STRN: variants seen among roughly 807,000 people sequenced by gnomAD.
STRN encodes protein phosphatase 2 regulatory subunit B'''alpha.
In STRN, 53 loss-of-function variants were observed where a neutral mutation model predicts 96.3. The ratio of observed to expected loss-of-function variants is 0.55; its 90% CI spans 0.44 to 0.69. The LOEUF (loss-of-function observed/expected upper bound fraction) is 0.69, where lower values mean the gene tolerates loss of function less well. Among genes scored for constraint, STRN ranks in the 30% least tolerant of loss-of-function variants. The probability of loss-of-function intolerance (pLI) is 0.00; values close to 1 mark genes in which losing one functional copy is unlikely to be tolerated. For synonymous variants in STRN, 428 were observed against 355.9 expected, an observed-to-expected ratio of 1.20 and a Z score of -2.28; for missense variants, 987 against 963.9, an observed-to-expected ratio of 1.02 and a Z score of -0.32.
At chr2:36,859,920 G>C (rs867113059) in intron 13 of STRN, among the ~76,000 whole-genome samples, 1 of 152,202 alleles carries the variant, frequency 6.6e-6, no homozygotes, top group Admixed American at 6.5e-5. Flanking sequence ...AAGCCAGAAT[G>C]TAGACAGATG....
rs1353990644 is a variant in STRN, at chr2:36,849,395, G to T, written c.*61C>A. ...GAGATGATTCTTGCCCTCGTCTTCT[G>T]TATCTCTTGTGTGCAGTTGATTACT... On this transcript the variant is annotated 3_prime_UTR_variant, in exon 18 of 18. Coordinates refer to ENST00000263918, the MANE Select transcript of STRN (RefSeq NM_003162.4). 6 of 1,572,680 alleles carry T rather than the reference G, an allele frequency of 3.8e-6. No homozygotes were observed. The highest frequency in any genetic ancestry group is 1.4e-5 in the African/African-American group (1 of 73,600).
intron 3 of STRN, among the ~76,000 whole-genome samples, chr2:36,914,607 T>C (rs555251520): frequency 3.0e-4 from 46 of 152,292 alleles, no homozygotes; most frequent in Non-Finnish European, 5.1e-4. Context: ...GCTGAGGAAA[T>C]GCATTAATAC....
At chr2:36,915,531 A>G (rs2148217893) in intron 3 of STRN, among the ~76,000 whole-genome samples, 1 of 152,212 alleles carries the variant, frequency 6.6e-6, no homozygotes, top group Non-Finnish European at 1.5e-5. Flanking sequence ...GAAAAAGAAA[A>G]AGAAGAAATA....
intron 10 of STRN, 76 bp downstream of exon 10, chr2:36,877,815 G>A (rs535263727): frequency 9.7e-6 from 15 of 1,550,242 alleles, no homozygotes; most frequent in African/African-American, 6.8e-5. Flanking sequence ...GATTACAGGC[G>A]TGAGCCACCG....
At chr2:36,850,874 G>A (rs1191340362) in intron 16 of STRN, 126 bp downstream of exon 16, 1 of 601,348 alleles carries the variant, frequency 1.7e-6, no homozygotes. Context: ...TGAGACGGGA[G>A]AGTATTTGGG....
chr2:36,867,895 G>T, intron 11 of STRN, 34 bp from the exon 12 acceptor site: 2 of 1,521,854 alleles, frequency 1.3e-6, no homozygotes, highest in Non-Finnish European at 1.8e-6. Flanking sequence ...ACCATTCTAA[G>T]TGTCAGTAAA....
chr2:36,862,807 T>C (rs1012862297), intron 12 of STRN, among the ~76,000 whole-genome samples: 2 of 151,986 alleles, frequency 1.3e-5, no homozygotes, highest in South Asian at 4.2e-4. Context: ...CGATCTTGGC[T>C]CACTGCAAGC....
chr2:36,866,704 G>A (rs1371102168), intron 12 of STRN, among the ~76,000 whole-genome samples: 1 of 152,140 alleles, frequency 6.6e-6, no homozygotes. Context: ...TAATCTGGGT[G>A]CTCCTATGTT....
At chr2:36,949,780 T>C (rs112176817) in intron 1 of STRN, among the ~76,000 whole-genome samples, 6 of 152,160 alleles carry the variant, frequency 3.9e-5, no homozygotes, top group Admixed American at 1.3e-4. Context: ...TTTCAAGTTA[T>C]AGTAGGTCAT....
At chr2:36,884,187 A>G (rs1669151527) in intron 8 of STRN, 112 bp from the exon 9 acceptor site, 6 of 928,928 alleles carry the variant, frequency 6.5e-6, no homozygotes, top group Non-Finnish European at 8.6e-6. Context: ...ATTTACCTTT[A>G]AAAATATTCT....
At chr2:36,958,896 G>C (rs1664961059) in intron 1 of STRN, among the ~76,000 whole-genome samples, 1 of 152,130 alleles carries the variant, frequency 6.6e-6, no homozygotes, top group Non-Finnish European at 1.5e-5. Flanking sequence ...GAGGCGGGCG[G>C]ATCACGAGGT....
At chr2:36,881,948 A>G (rs1481512263) in intron 9 of STRN, among the ~76,000 whole-genome samples, 1 of 152,236 alleles carries the variant, frequency 6.6e-6, no homozygotes, top group African/African-American at 2.4e-5. Context: ...AGTGATCAAC[A>G]TACCTACTAA....
At chr2:36,910,691 T>C (rs1010892456) in intron 3 of STRN, among the ~76,000 whole-genome samples, 6 of 152,134 alleles carry the variant, frequency 3.9e-5, no homozygotes, top group African/African-American at 1.4e-4. Flanking sequence ...AAGAACAGAC[T>C]GAACAAAATG....
At position 36,840,775 on chromosome 2, in the gene STRN, G is replaced by GCATA. The variant is rs1667932996; in HGVS notation, c.*8677_*8680dup. 1 of 152,014 alleles carries GCATA rather than the reference G, an allele frequency of 6.6e-6. No homozygotes were observed. Among genetic ancestry groups the GCATA allele is most frequent in the African/African-American group, 2.4e-5 (1 of 41,372 alleles). 9.4% of individuals were successfully genotyped at this position (152,014 alleles called of 1,614,324 possible). On this transcript the variant is annotated 3_prime_UTR_variant, in exon 18 of 18. Transcript: ENST00000263918. ...TTTTTGTAGGTGACAAATGAGCAATGCATAATATGCAAAATCTGGGTTAAG... is the reference window on the plus strand; with the variant it reads ...TTTTTGTAGGTGACAAATGAGCAATGCATACATAATATGCAAAATCTGGGTTAAG...
rs545909126 is a variant in STRN, at chr2:36,929,889, ATTAAT to A, written c.235-4686_235-4682del. Among the ~76,000 whole-genome samples, 74 of 152,352 alleles carry A rather than the reference ATTAAT, an allele frequency of 4.9e-4. 1 individual carries two copies. The South Asian group carries it at 0.014, about 30-fold the overall frequency. ...CTAAAATAAAATATTATAAAGCTTG[ATTAAT>A]TTAAGGTTCTCATCTTTTGATTTGA... On this transcript the variant is annotated intron_variant, in intron 1 of 17. Coordinates refer to ENST00000263918, the MANE Select transcript of STRN (RefSeq NM_003162.4).
chr2:36,871,114 ATAAAG>A (rs1333580811), intron 10 of STRN, among the ~76,000 whole-genome samples: 15 of 152,288 alleles, frequency 9.8e-5, no homozygotes, highest in Non-Finnish European at 1.5e-4. Flanking sequence ...AATTCAGTTT[ATAAAG>A]TAAAGATTAT....
At chr2:36,906,130 A>G (rs1431784591) in intron 3 of STRN, among the ~76,000 whole-genome samples, 6 of 152,218 alleles carry the variant, frequency 3.9e-5, no homozygotes, top group Non-Finnish European at 7.3e-5. Flanking sequence ...CATGTACCCC[A>G]TAAATATATA....
chr2:36,963,108 T>C (rs1397638808), intron 1 of STRN, among the ~76,000 whole-genome samples: 1 of 152,118 alleles, frequency 6.6e-6, no homozygotes, highest in East Asian at 1.9e-4. Flanking sequence ...ATTTATCAAA[T>C]AAGATGAGCA....
intron 9 of STRN, among the ~76,000 whole-genome samples, chr2:36,879,080 T>C (rs980105503): frequency 6.7e-6 from 1 of 150,188 alleles, no homozygotes; most frequent in Non-Finnish European, 1.5e-5. Flanking sequence ...ATTTGTTTTT[T>C]TTGTTTTTTA....
Sources: allele counts gnomAD v4.1 joint callset (sites outside exome capture counted in the v4.1 genomes callset), GRCh38; gene constraint gnomAD v4.1.1; transcripts MANE v1.5; gene names NCBI Gene and HGNC (gene_info 2026-07-23, HGNC 2026-07-21).